ABI3BP: variants seen among roughly 807,000 people sequenced by gnomAD.
ABI3BP encodes ABI family member 3 binding protein.
In ABI3BP, 216 loss-of-function variants were observed where a neutral mutation model predicts 268.6. The ratio of observed to expected loss-of-function variants is 0.80; its 90% confidence interval spans 0.72 to 0.90. ABI3BP has a LOEUF of 0.90. Ranked by LOEUF, ABI3BP falls within the 40% of genes least tolerant of loss-of-function variation. The pLI is 0.00. For missense variants in ABI3BP, 2,090 were observed against 2,182.4 expected, an observed-to-expected ratio of 0.96 and a Z score of 0.84; for synonymous variants, 730 against 730.0, an observed-to-expected ratio of 1.00 and a Z score of 0.00.
At position 100,813,702 on chromosome 3, in the gene ABI3BP, G is replaced by A. The variant is rs1238736271; in HGVS notation, c.3323C>T (p.Pro1108Leu). 1.3e-6 allele frequency: 2 copies of A among 1,535,264 alleles called. No individual in the cohort carries two copies. Among genetic ancestry groups the A allele is most frequent in the Admixed American group, 2.0e-5 (1 of 50,962 alleles). ...LTELQTLILK[P>L]VTSPSLEMTE... ...CATTTCTAGGCTTGGTGATGTCACTGGTTTCAAAATAAGAGTTTGCAGTTC... is the reference window on the plus strand; with the variant it reads ...CATTTCTAGGCTTGGTGATGTCACTAGTTTCAAAATAAGAGTTTGCAGTTC... The change falls in exon 45 of 68, where the codon CCA (proline) becomes CTA (leucine). Residue 1108 changes from proline to leucine, a missense_variant. Physicochemically the swap from Pro to Leu is moderately conservative, Grantham distance 98 (BLOSUM62 -3). Coordinates refer to ENST00000471714, the MANE Select transcript of ABI3BP (RefSeq NM_001375547.2).
chr3:100,755,617 A>G (rs1222853200), intron 63 of ABI3BP, among the ~76,000 whole-genome samples: 1 of 152,228 alleles, frequency 6.6e-6, no homozygotes, highest in East Asian at 1.9e-4. Flanking sequence ...ATCCTTAAGA[A>G]TTATTCTTCA....
intron 1 of ABI3BP, among the ~76,000 whole-genome samples, chr3:100,970,158 A>C (rs1266398987): frequency 1.3e-5 from 2 of 152,198 alleles, no homozygotes; most frequent in Non-Finnish European, 2.9e-5. Flanking sequence ...GGGCACTCTT[A>C]TCCATACGCA....
intron 57 of ABI3BP, among the ~76,000 whole-genome samples, chr3:100,781,779 C>T (rs543259372): frequency 1.3e-5 from 2 of 152,162 alleles, no homozygotes; most frequent in Non-Finnish European, 2.9e-5. Flanking sequence ...AACAAAGTAT[C>T]TTGATCCAAT....
chr3:100,847,505 T>C, intron 19 of ABI3BP, 97 bp downstream of exon 19: 1 of 1,041,902 alleles, frequency 9.6e-7, no homozygotes. Flanking sequence ...CCGTTTTGAG[T>C]ATCTTAACAG....
At chr3:100,940,916 G>A (rs2068873457) in intron 1 of ABI3BP, among the ~76,000 whole-genome samples, 2 of 139,402 alleles carry the variant, frequency 1.4e-5, no homozygotes, top group Non-Finnish European at 3.1e-5. Context: ...CAGATTTAGA[G>A]GTGGACAGAT....
intron 2 of ABI3BP, among the ~76,000 whole-genome samples, chr3:100,910,626 T>G (rs2055995435): frequency 1.3e-5 from 2 of 152,056 alleles, no homozygotes; most frequent in Admixed American, 1.3e-4. Flanking sequence ...TCTCCTGCCT[T>G]GTCCTCCCTA....
intron 1 of ABI3BP, among the ~76,000 whole-genome samples, chr3:100,946,754 C>T (rs1331103888): frequency 6.7e-6 from 1 of 150,220 alleles, no homozygotes; most frequent in Non-Finnish European, 1.5e-5. Flanking sequence ...TGCCATTGCA[C>T]TCCAGCCTGG....
intron 50 of ABI3BP, among the ~76,000 whole-genome samples, chr3:100,807,364 A>G (rs1353184749): frequency 1.3e-5 from 2 of 151,912 alleles, no homozygotes; most frequent in Non-Finnish European, 2.9e-5. Flanking sequence ...AAAATTTCAT[A>G]TTATTTGGGG....
intron 38 of ABI3BP, among the ~76,000 whole-genome samples, chr3:100,822,250 A>G (rs1460024162): frequency 6.6e-6 from 1 of 152,214 alleles, no homozygotes; most frequent in African/African-American, 2.4e-5. Flanking sequence ...ATGTGCTAAT[A>G]TGATTGGGAG....
At chr3:100,780,306 G>T in intron 57 of ABI3BP, 97 bp from the exon 58 acceptor site, 1 of 1,139,708 alleles carries the variant, frequency 8.8e-7, no homozygotes, top group Non-Finnish European at 1.3e-6. Context: ...TCTTTGCAGA[G>T]CAGGAGCATT....
intron 1 of ABI3BP, among the ~76,000 whole-genome samples, chr3:100,984,740 T>A (rs945524355): frequency 6.6e-6 from 1 of 152,204 alleles, no homozygotes; most frequent in Non-Finnish European, 1.5e-5. Context: ...TGATTTAGTC[T>A]TGCTGTCCAC....
intron 1 of ABI3BP, among the ~76,000 whole-genome samples, chr3:100,960,897 A>G (rs2078863350): frequency 6.6e-6 from 1 of 152,194 alleles, no homozygotes; most frequent in African/African-American, 2.4e-5. Context: ...CCCACCCTCC[A>G]GATAAGAGCC....
intron 10 of ABI3BP, 41 bp from the exon 11 acceptor site, chr3:100,864,948 T>C (rs2153193740): frequency 1.3e-6 from 2 of 1,489,384 alleles, no homozygotes; most frequent in Non-Finnish European, 1.8e-6. Context: ...TAAGATAAAG[T>C]GAAGCAACCA....
intron 2 of ABI3BP, among the ~76,000 whole-genome samples, chr3:100,917,203 C>T: frequency 6.6e-6 from 1 of 152,062 alleles, no homozygotes; most frequent in East Asian, 1.9e-4. Context: ...CAGCTCTGGT[C>T]CTCAGGAGCT....
rs763295332 is a variant in ABI3BP at position 100,875,624 on chromosome 3, G to A, written c.746-45C>T. 4.2e-5 allele frequency: 58 copies of A among 1,388,760 alleles called. 2 individuals are homozygous for A. The South Asian group carries it at 6.3e-4, about 15-fold the overall frequency. 86.0% of individuals were successfully genotyped at this position (1,388,760 alleles called of 1,614,324 possible). A position where few individuals can be genotyped will look rare whatever the true frequency, so the allele number is the denominator to read the frequency against. On this transcript the variant is annotated intron_variant, in intron 7 of 67. Coordinates refer to ENST00000471714, the MANE Select transcript of ABI3BP (RefSeq NM_001375547.2). ...CAGTGTGAGGGGGTGGGAAATAGGA[G>A]GCAGTAAGAAGCTAATAATGTGAAG...
chr3:100,933,676 AAAT>A (rs2064665421), intron 1 of ABI3BP, among the ~76,000 whole-genome samples: 1 of 150,960 alleles, frequency 6.6e-6, no homozygotes, highest in Admixed American at 6.6e-5. Context: ...TATGTAAAGA[AAAT>A]AATTCTTTCT....
chr3:100,922,532 T>TGGTGATGGTGATGGTGAG (rs1412545702), intron 2 of ABI3BP, among the ~76,000 whole-genome samples: 1 of 148,738 alleles, frequency 6.7e-6, no homozygotes, highest in African/African-American at 2.4e-5. Context: ...GCGATGGTGA[T>TGGTGATGGTGATGGTGAG]GGTGATGGTG....
intron 6 of ABI3BP, among the ~76,000 whole-genome samples, chr3:100,880,538 G>A (rs1044597431): frequency 2.0e-5 from 3 of 152,106 alleles, no homozygotes; most frequent in African/African-American, 2.4e-5. Flanking sequence ...GGTTAAGATC[G>A]TTTATTTTTA....
At chr3:100,942,936 T>A (rs1234367600) in intron 1 of ABI3BP, among the ~76,000 whole-genome samples, 3 of 152,090 alleles carry the variant, frequency 2.0e-5, no homozygotes, top group Admixed American at 1.3e-4. Flanking sequence ...GAAAAGAAAC[T>A]TCACTGTTAA....
Sources: allele counts gnomAD v4.1 joint callset (sites outside exome capture counted in the v4.1 genomes callset), GRCh38; gene constraint gnomAD v4.1.1; transcripts MANE v1.5; gene names NCBI Gene and HGNC (gene_info 2026-07-23, HGNC 2026-07-21).